Variants in THUMPD3 observed in about 807,000 individuals in gnomAD.
THUMPD3 encodes tRNA (guanine(6)-N(2))-methyltransferase THUMP3.
THUMPD3 carries 44 observed loss-of-function variants against 54.5 expected under a neutral mutation model. The ratio of observed to expected loss-of-function variants is 0.81; its 90% CI spans 0.63 to 1.04. The LOEUF is 1.04. THUMPD3 is among the 50% of genes least tolerant of loss of function. The pLI is 0.00. For synonymous variants in THUMPD3, 196 were observed against 201.4 expected (o/e 0.97, Z 0.23); for missense variants, 604 against 601.3 (o/e 1.00, Z -0.05).
chr3:9,374,570 G>A lies in THUMPD3; in HGVS notation c.862G>A (p.Glu288Lys), dbSNP rs201610472. The change falls in exon 5 of 10, where the codon GAG (glutamate) becomes AAG (lysine). Residue 288 changes from glutamate to lysine, a missense_variant. Coordinates refer to ENST00000452837, the MANE Select transcript of THUMPD3 (RefSeq NM_001114092.2). ...CATTGTGGGCATTGCATTGACTGAAGAGAGTCTCCACCGAAGAAATATAAC... is the reference window on the plus strand; with the variant it reads ...CATTGTGGGCATTGCATTGACTGAAAAGAGTCTCCACCGAAGAAATATAAC... ...EVIVGIALTEESLHRRNITHF... is the reference protein window; with the variant it reads ...EVIVGIALTEKSLHRRNITHF... The A allele has an allele frequency of 2.8e-4, 451 of 1,613,932 alleles. No individual in the cohort carries two copies. Among genetic ancestry groups the A allele is most frequent in the Non-Finnish European group, 1.4e-4 (168 of 1,179,978 alleles).
rs747013726 is a variant in THUMPD3, at chr3:9,371,304, C to T, written c.575C>T (p.Ala192Val). 1.2e-6 allele frequency: 2 copies of T among 1,613,970 alleles called. No individual in the cohort carries two copies. The highest frequency in any genetic ancestry group is 1.7e-6 in the Non-Finnish European group (2 of 1,179,968). The change falls in exon 4 of 10, where the codon GCC (alanine) becomes GTC (valine). Residue 192 changes from alanine to valine, a missense_variant. Transcript: ENST00000452837. ...SHILDYYENP[A>V]IKEDVSTLIG... ...ATCTTAGATTATTATGAAAATCCAG[C>T]CATCAAAGAGGATGTATCAACATTA...
At position 9,371,091 on chromosome 3, in the gene THUMPD3, C is replaced by G. The variant is rs540929633; in HGVS notation, c.362C>G (p.Ala121Gly). 7.0e-6 allele frequency: 11 copies of G among 1,574,940 alleles called. No homozygotes were observed. The South Asian group carries it at 1.3e-4, about 19-fold the overall frequency. Residue 121 changes from alanine (A) to glycine (G), a missense_variant, in exon 4 of 10, where the codon GCT (alanine) becomes GGT (glycine). Physicochemically the swap from Ala to Gly is moderately conservative, Grantham distance 60. Transcript: ENST00000452837. ...GTTCTAAAGGATTTTGAAGACTTGG[C>G]TGGAAAACTCCCATGGTCAAACCCC... The part of the protein sequence containing the change: ...EEVLKDFEDL[A>G]GKLPWSNPLK...
chr3:9,365,829 A>T (rs542406032), intron 2 of THUMPD3, among the ~76,000 whole-genome samples: 1 of 152,086 alleles, frequency 6.6e-6, no homozygotes, highest in Non-Finnish European at 1.5e-5. Flanking sequence ...TAACCCCGTG[A>T]TCCACCCGCC....
chr3:9,382,615 A>G (rs982722974), intron 7 of THUMPD3, among the ~76,000 whole-genome samples: 19 of 152,142 alleles, frequency 1.2e-4, no homozygotes, highest in African/African-American at 3.6e-4. Flanking sequence ...TCTCCAGTGT[A>G]TGTTTTATCA....
intron 5 of THUMPD3, 122 bp downstream of exon 5, chr3:9,374,768 T>A: frequency 8.9e-7 from 1 of 1,125,812 alleles, no homozygotes; most frequent in African/African-American, 1.6e-5. Flanking sequence ...GGATAAAGAA[T>A]AGAATGGAAA....
At position 9,384,868 on chromosome 3, in the gene THUMPD3, A is replaced by T. The variant is rs2033225431; in HGVS notation, c.*180A>T. 1 of 679,256 alleles carries T rather than the reference A, an allele frequency of 1.5e-6. No individual in the cohort carries two copies. Among genetic ancestry groups the T allele is most frequent in the Admixed American group, 3.0e-5 (1 of 33,436 alleles). The allele number at this position is 679,256 out of a possible 1,614,324, so 42.1% of individuals were successfully genotyped here. A position where few individuals can be genotyped will look rare whatever the true frequency, so the allele number is the denominator to read the frequency against. On this transcript the variant is annotated 3_prime_UTR_variant, in exon 10 of 10. Transcript: ENST00000452837. The stretch of plus-strand genomic sequence containing the variant: ...TGGAATTTAAAAGTTTTATGAGACC[A>T]GGCACAGTGGCTCACGACTGTAATT...
chr3:9,380,650 T>C (rs756263943), intron 7 of THUMPD3, 32 bp downstream of exon 7: 8 of 1,481,988 alleles, frequency 5.4e-6, no homozygotes, highest in Admixed American at 5.1e-5. Context: ...TAGCATCTTT[T>C]AGAGTTAGAG....
At chr3:9,367,861 C>G (rs187362464) in intron 3 of THUMPD3, among the ~76,000 whole-genome samples, 4 of 152,058 alleles carry the variant, frequency 2.6e-5, no homozygotes, top group South Asian at 2.1e-4. Context: ...GTCAGGAGAT[C>G]GAGACCATCC....
chr3:9,383,268 C>T lies in THUMPD3; in HGVS notation c.1194C>T (p.Gly398=). ...WDICNLPLRT[G]SVDIIVTDLP... The stretch of plus-strand genomic sequence containing the variant: ...TCTGCAATCTGCCATTGAGAACTGG[C>T]TCTGTGGATATTATTGTAACAGATT... The change falls in exon 8 of 10, where the codon GGC becomes GGT. Residue 398 remains glycine (G), a synonymous_variant. Coordinates refer to ENST00000452837, the MANE Select transcript of THUMPD3 (RefSeq NM_001114092.2). 5 of 1,613,996 alleles carry T rather than the reference C, an allele frequency of 3.1e-6. No homozygotes were observed. Among genetic ancestry groups the T allele is most frequent in the Non-Finnish European group, 4.2e-6 (5 of 1,179,884 alleles).
At chr3:9,370,872 G>A (rs1050111266) in intron 3 of THUMPD3, among the ~76,000 whole-genome samples, 188 bp from the exon 4 acceptor site, 9 of 152,196 alleles carry the variant, frequency 5.9e-5, no homozygotes, top group African/African-American at 2.2e-4. Context: ...GAGGATGTGT[G>A]TAGGTCATAT....
In THUMPD3 at chr3:9,371,231, C is replaced by T. The variant is rs2032009707; in HGVS notation, c.502C>T (p.Gln168Ter). 1 of 1,610,864 alleles carries T rather than the reference C, an allele frequency of 6.2e-7. No individual in the cohort carries two copies. Residue 168 changes from glutamine to a stop codon, truncating the protein, a stop_gained, in exon 4 of 10, where the codon CAG (glutamine) becomes TAG (stop). Transcript: ENST00000452837. LOFTEE classifies it high-confidence loss of function. ...INNGQEVKID[Q>*]RNVKKEFTSH... The stretch of plus-strand genomic sequence containing the variant: ...TAATGGACAAGAAGTCAAAATCGAT[C>T]AGAGAAATGTTAAAAAAGAGTTCAC...
In THUMPD3 at chr3:9,374,573, A is replaced by T. The variant is rs2032316074; in HGVS notation, c.865A>T (p.Ser289Cys). Residue 289 changes from serine (S) to cysteine (C), a missense_variant, in exon 5 of 10, where the codon AGT (serine) becomes TGT (cysteine). By Grantham distance (112) the Ser-to-Cys change is moderately radical (BLOSUM62 -1). Coordinates refer to ENST00000452837, the MANE Select transcript of THUMPD3 (RefSeq NM_001114092.2). ...TGTGGGCATTGCATTGACTGAAGAG[A>T]GTCTCCACCGAAGAAATATAACACA... ...VIVGIALTEE[S>C]LHRRNITHFG... is the part of the protein sequence containing the mutation. The T allele has an allele frequency of 1.2e-6, 2 of 1,614,104 alleles. No individual in the cohort carries two copies. The highest frequency in any genetic ancestry group is 1.7e-6 in the Non-Finnish European group (2 of 1,179,978).
At chr3:9,375,109 G>T (rs1044581136) in intron 5 of THUMPD3, among the ~76,000 whole-genome samples, 1 of 152,072 alleles carries the variant, frequency 6.6e-6, no homozygotes, top group Non-Finnish European at 1.5e-5. Context: ...CACCCGCCTC[G>T]GCCTCCCAAA....
chr3:9,372,975 C>A (rs2032178497), intron 4 of THUMPD3, among the ~76,000 whole-genome samples: 1 of 152,054 alleles, frequency 6.6e-6, no homozygotes, highest in Non-Finnish European at 1.5e-5. Context: ...CAAATGAATA[C>A]GTGGCTCACA....
intron 5 of THUMPD3, among the ~76,000 whole-genome samples, chr3:9,374,918 G>A (rs1043111144): frequency 1.3e-5 from 2 of 152,104 alleles, no homozygotes; most frequent in Non-Finnish European, 2.9e-5. Context: ...GACTGCAGTG[G>A]CGAGATCTCA....
At position 9,377,891 on chromosome 3, in the gene THUMPD3, A is replaced by C. The variant is rs993295386; in HGVS notation, c.1008+3A>C. On this transcript the variant is annotated splice_donor_region_variant and intron_variant, in intron 6 of 9. Transcript: ENST00000452837. ...GAACTGGGGCAATACCAATAGAGGTAATCATATTTCTTTAGCTTTTAGATA... is the reference window on the plus strand; with the variant it reads ...GAACTGGGGCAATACCAATAGAGGTCATCATATTTCTTTAGCTTTTAGATA... 3 of 1,607,674 alleles carry C rather than the reference A, an allele frequency of 1.9e-6. No homozygotes were observed. In the African/African-American group the frequency reaches 4.0e-5, roughly 21 times the overall value.
At chr3:9,379,786 T>C (rs571210671) in intron 6 of THUMPD3, among the ~76,000 whole-genome samples, 7 of 152,212 alleles carry the variant, frequency 4.6e-5, no homozygotes, top group Non-Finnish European at 1.0e-4. Flanking sequence ...TCTGCCTCCC[T>C]GTCTTAAGCC....
Position 9,374,583 on chromosome 3 carries a change from G to A in THUMPD3, c.875G>A (p.Arg292Gln), listed in dbSNP as rs772389676. The A allele has an allele frequency of 1.7e-5, 28 of 1,613,886 alleles. No homozygotes were observed. Among genetic ancestry groups the A allele is most frequent in the African/African-American group, 9.3e-5 (7 of 74,906 alleles). Residue 292 changes from arginine to glutamine, a missense_variant, in exon 5 of 10, where the codon CGA (arginine) becomes CAA (glutamine). Transcript: ENST00000452837. ...GCATTGACTGAAGAGAGTCTCCACC[G>A]AAGAAATATAACACATTTTGGACCT... ...GIALTEESLHRRNITHFGPTT... is the reference protein window; with the variant it reads ...GIALTEESLHQRNITHFGPTT...
intron 4 of THUMPD3, among the ~76,000 whole-genome samples, chr3:9,374,241 C>T (rs1046835698): frequency 6.6e-6 from 1 of 151,854 alleles, no homozygotes; most frequent in African/African-American, 2.4e-5. Context: ...CAGATTTCAC[C>T]CCAATTTTTA....
Sources: gnomAD v4.1 joint callset for allele counts (sites outside exome capture counted in the v4.1 genomes callset) on GRCh38, gnomAD v4.1.1 for gene constraint, MANE v1.5 for transcripts, NCBI Gene and HGNC (gene_info 2026-07-23, HGNC 2026-07-21) for gene names.